Variants in PARD3B observed in about 807,000 individuals in gnomAD.
The protein encoded by PARD3B is par-3 family cell polarity regulator beta.
PARD3B carries 103 observed loss-of-function variants against 130.2 expected under a neutral mutation model. The observed-to-expected ratio is 0.79, with a 90% CI of 0.67 to 0.93. The LOEUF is 0.93. Among genes scored for constraint, PARD3B ranks in the 40% least tolerant of loss-of-function variants. The pLI, the probability that PARD3B is intolerant of heterozygous loss-of-function variation, is 0.00. For missense variants in PARD3B, 1,609 were observed against 1,499.2 expected (o/e 1.07, Z -1.21); for synonymous variants, 583 against 553.2 (o/e 1.05, Z -0.76).
chr2:204,725,665 G>C (rs1446369767), intron 2 of PARD3B, among the ~76,000 whole-genome samples: 1 of 152,146 alleles, frequency 6.6e-6, no homozygotes, highest in African/African-American at 2.4e-5. Context: ...TTATGCATGA[G>C]TGAGTTTGAG....
Position 205,121,680 on chromosome 2 carries a change from C to G in PARD3B, c.896C>G (p.Ser299Ter). The G allele has an allele frequency of 6.2e-7, 1 of 1,614,182 alleles. No homozygotes were observed. Among genetic ancestry groups the G allele is most frequent in the Non-Finnish European group, 8.5e-7 (1 of 1,180,040 alleles). ...PPQNREQYEK[S>*]VIGSLNIFGN... Reference sequence around the variant, plus strand: ...CAAAACCGTGAACAGTATGAAAAGTCAGTCATTGGCTCTCTTAACATTTTT... The same window carrying G: ...CAAAACCGTGAACAGTATGAAAAGTGAGTCATTGGCTCTCTTAACATTTTT... The change falls in exon 8 of 23, where the codon TCA becomes TGA. Residue 299 changes from serine (S) to a stop codon, truncating the protein, a stop_gained. Transcript: ENST00000406610. LOFTEE classifies it high-confidence loss of function. The surrounding 1 kb of genome is among the most constrained non-coding windows in gnomAD (Gnocchi z 5.0).
In PARD3B at chr2:205,095,536, CAG is replaced by C. The variant is rs749399942; in HGVS notation, c.505-8887_505-8886del. 1.1e-3 allele frequency among the ~76,000 whole-genome samples: 165 copies of C among 152,196 alleles called. 1 individual carries two copies. Among genetic ancestry groups the C allele is most frequent in the Admixed American group, 2.2e-3 (33 of 15,284 alleles). ...TGTTAGCCTTATGTTGAAAGATTAG[CAG>C]AGCAGATGAAATGTTGATCTTGCCA... On this transcript the variant is annotated intron_variant, in intron 4 of 22. Coordinates refer to ENST00000406610, the MANE Select transcript of PARD3B (RefSeq NM_001302769.2).
Position 204,796,230 on chromosome 2 carries a change from G to C in PARD3B, c.222+109948G>C, listed in dbSNP as rs186404928. Among the ~76,000 whole-genome samples, 133 of 152,298 alleles carry C rather than the reference G, an allele frequency of 8.7e-4. 1 individual carries two copies. The highest frequency in any genetic ancestry group is 3.0e-3 in the African/African-American group (124 of 41,558). ...CTCTACCAGGGTGGTCTTGCAATATGATCAAATGGTTATGTTCAGAAGTAC... is the reference window on the plus strand; with the variant it reads ...CTCTACCAGGGTGGTCTTGCAATATCATCAAATGGTTATGTTCAGAAGTAC... On this transcript the variant is annotated intron_variant, in intron 2 of 22. Transcript: ENST00000406610.
chr2:204,869,670 C>T (rs1482607331), intron 2 of PARD3B, among the ~76,000 whole-genome samples: 4 of 151,852 alleles, frequency 2.6e-5, no homozygotes, highest in African/African-American at 9.7e-5. Flanking sequence ...TCTTTTTATG[C>T]AGTCTTGTTA....
rs534202423 is a variant in PARD3B at position 205,446,779 on chromosome 2, C to T, written c.3044+6107C>T. On this transcript the variant is annotated intron_variant, in intron 20 of 22. Coordinates refer to ENST00000406610, the MANE Select transcript of PARD3B (RefSeq NM_001302769.2). The surrounding 1 kb of genome is among the most constrained non-coding windows in gnomAD (Gnocchi z 4.4). ...TGAACGTAGCATGGGTTAAATCCTG[C>T]CCTCAAAGCCTGACAATTACTCAGG... Among the ~76,000 whole-genome samples the T allele has an allele frequency of 1.3e-4, 20 of 152,294 alleles. No individual in the cohort carries two copies. Among genetic ancestry groups the T allele is most frequent in the African/African-American group, 4.8e-4 (20 of 41,580 alleles).
At chr2:204,584,481 A>G (rs893256996) in intron 1 of PARD3B, among the ~76,000 whole-genome samples, 1 of 152,234 alleles carries the variant, frequency 6.6e-6, no homozygotes, top group African/African-American at 2.4e-5. Context: ...TTACTACCCT[A>G]TACCTACTAT....
At chr2:205,081,330 A>G (rs917881822) in intron 4 of PARD3B, among the ~76,000 whole-genome samples, 4 of 152,090 alleles carry the variant, frequency 2.6e-5, no homozygotes, top group African/African-American at 9.7e-5. Flanking sequence ...TGTTTTAAAA[A>G]TATATTTATA....
chr2:205,527,877 T>C (rs2051407811), intron 21 of PARD3B, among the ~76,000 whole-genome samples: 2 of 152,208 alleles, frequency 1.3e-5, no homozygotes, highest in African/African-American at 4.8e-5. Context: ...CAATTCTCTC[T>C]ACTGTAAAGC....
At chr2:205,065,739 TTC>T (rs1371320438) in intron 4 of PARD3B, among the ~76,000 whole-genome samples, 7 of 152,130 alleles carry the variant, frequency 4.6e-5, no homozygotes, top group Non-Finnish European at 1.0e-4. Flanking sequence ...CCAATGGATT[TTC>T]TCTCTCTTTG....
intron 15 of PARD3B, among the ~76,000 whole-genome samples, chr2:205,210,139 G>A (rs2037547797): frequency 6.6e-6 from 1 of 151,978 alleles, no homozygotes; most frequent in Non-Finnish European, 1.5e-5. Context: ...GCTGCGTTGG[G>A]AGGATCGTTT....
At chr2:204,646,699 G>T (rs957886100) in intron 1 of PARD3B, among the ~76,000 whole-genome samples, 6 of 151,938 alleles carry the variant, frequency 3.9e-5, no homozygotes, top group African/African-American at 1.4e-4. Flanking sequence ...AGTTTTGCAA[G>T]TTAGTTGTGC....
At chr2:205,052,305 G>A (rs1699243649) in intron 4 of PARD3B, among the ~76,000 whole-genome samples, 2 of 151,428 alleles carry the variant, frequency 1.3e-5, no homozygotes, top group South Asian at 4.2e-4. Context: ...TTATAATACT[G>A]TGGTTGTTCT....
intron 22 of PARD3B, among the ~76,000 whole-genome samples, chr2:205,604,353 A>G (rs1413080134): frequency 6.6e-6 from 1 of 152,148 alleles, no homozygotes; most frequent in Non-Finnish European, 1.5e-5. Flanking sequence ...TCTTACATAG[A>G]TGGCAGCAGG....
chr2:205,426,954 C>T (rs564081525), intron 19 of PARD3B, among the ~76,000 whole-genome samples: 1 of 152,080 alleles, frequency 6.6e-6, no homozygotes, highest in South Asian at 2.1e-4. Flanking sequence ...ATAGTAAAAT[C>T]AGCAAAAGAT....
chr2:205,127,023 G>T (rs960047120), intron 10 of PARD3B, among the ~76,000 whole-genome samples: 1 of 151,844 alleles, frequency 6.6e-6, no homozygotes, highest in African/African-American at 2.4e-5. Flanking sequence ...AAGGAGGACA[G>T]GTGCAGTGGC....
intron 2 of PARD3B, among the ~76,000 whole-genome samples, chr2:204,913,678 G>T (rs1227269724): frequency 6.6e-6 from 1 of 152,062 alleles, no homozygotes; most frequent in Non-Finnish European, 1.5e-5. Context: ...CATGGAAAAA[G>T]AAATGAAGCT....
At chr2:205,260,073 CA>C (rs1320841876) in intron 16 of PARD3B, among the ~76,000 whole-genome samples, 1 of 152,176 alleles carries the variant, frequency 6.6e-6, no homozygotes, top group African/African-American at 2.4e-5. Context: ...GGTTGTTTGG[CA>C]CCACCATCAT....
intron 19 of PARD3B, among the ~76,000 whole-genome samples, chr2:205,431,375 C>T (rs924286934): frequency 2.0e-5 from 3 of 152,122 alleles, no homozygotes; most frequent in African/African-American, 4.8e-5. Context: ...CCATGCCCAG[C>T]CCGAAACTTG....
At chr2:205,014,496 C>T (rs1695971412) in intron 3 of PARD3B, among the ~76,000 whole-genome samples, 1 of 152,162 alleles carries the variant, frequency 6.6e-6, no homozygotes, top group South Asian at 2.1e-4. Flanking sequence ...GAGAAGGTAC[C>T]TGAGTAATGT....
Sources: allele counts gnomAD v4.1 joint callset (sites outside exome capture counted in the v4.1 genomes callset), GRCh38; gene constraint gnomAD v4.1.1; non-coding constraint Gnocchi (gnomAD v3.1); transcripts MANE v1.5; gene names NCBI Gene and HGNC (gene_info 2026-07-23, HGNC 2026-07-21).